The following PPIL6 variants were observed in gnomAD, a reference collection of about 807,000 sequenced individuals.
The protein encoded by PPIL6 is peptidylprolyl isomerase like 6, also known as probable inactive peptidyl-prolyl cis-trans isomerase-like 6.
PPIL6 carries 39 observed loss-of-function variants against 36.8 expected under a neutral mutation model. That is an observed-to-expected ratio of 1.06 (90% CI 0.82 to 1.38). PPIL6 has a LOEUF of 1.38. PPIL6 is among the 40% of genes most tolerant of loss of function. The probability of loss-of-function intolerance (pLI) is 0.00; values close to 1 mark genes in which losing one functional copy is unlikely to be tolerated. For synonymous variants in PPIL6, 123 were observed against 134.1 expected (o/e 0.92, Z 0.57); for missense variants, 368 against 379.1 (o/e 0.97, Z 0.24).
At position 109,440,541 on chromosome 6, in the gene PPIL6, G is replaced by T. The variant is rs766000276; in HGVS notation, c.50C>A (p.Pro17Gln). ...CGPPHARCGSPSLPERPLQVK... is the reference protein window; with the variant it reads ...CGPPHARCGSQSLPERPLQVK... ...CTGCAGCGGCCGCTCCGGCAGCGAC[G>T]GCGAGCCGCACCTAGCGTGCGGGGG... Residue 17 changes from proline (P) to glutamine (Q), a missense_variant, in exon 1 of 8, where the codon CCG becomes CAG. Coordinates refer to ENST00000521072, the MANE Select transcript of PPIL6 (RefSeq NM_173672.5). The T allele has an allele frequency of 1.7e-4, 248 of 1,489,492 alleles. No homozygotes were observed. The highest frequency in any genetic ancestry group is 1.9e-4 in the Non-Finnish European group (215 of 1,122,200). 92.3% of individuals were successfully genotyped at this position (1,489,492 alleles called of 1,614,324 possible). A position where few individuals can be genotyped will look rare whatever the true frequency, so the allele number is the denominator to read the frequency against.
intron 5 of PPIL6, among the ~76,000 whole-genome samples, chr6:109,422,415 G>A (rs1041697242): frequency 2.0e-5 from 3 of 152,134 alleles, no homozygotes; most frequent in Admixed American, 6.5e-5. Flanking sequence ...AACATACAGA[G>A]ACCCTGTCTT....
intron 2 of PPIL6, among the ~76,000 whole-genome samples, chr6:109,433,378 G>A (rs1009111875): frequency 2.6e-5 from 4 of 152,088 alleles, no homozygotes; most frequent in Admixed American, 6.5e-5. Flanking sequence ...CTTTCTAAAC[G>A]GGAGAAAAAA....
At chr6:109,404,676 T>C (rs1365336713) in intron 6 of PPIL6, among the ~76,000 whole-genome samples, 4 of 152,232 alleles carry the variant, frequency 2.6e-5, no homozygotes, top group Non-Finnish European at 5.9e-5. Flanking sequence ...TGGTGTCACT[T>C]GCATGTTTTC....
At chr6:109,439,863 T>A (rs1467715619) in intron 1 of PPIL6, among the ~76,000 whole-genome samples, 1 of 152,220 alleles carries the variant, frequency 6.6e-6, no homozygotes, top group Admixed American at 6.5e-5. Context: ...ATGACTGATC[T>A]GGCCAAATTC....
intron 3 of PPIL6, among the ~76,000 whole-genome samples, chr6:109,430,846 G>A (rs77633195): frequency 1.7e-3 from 255 of 152,312 alleles, no homozygotes; most frequent in Admixed American, 4.1e-3. Context: ...ATGAATGGAT[G>A]ATAGGTTTTA....
rs761495611 is a variant in PPIL6 at position 109,392,918 on chromosome 6, C to G, written c.844G>C (p.Glu282Gln). Residue 282 changes from glutamate (E) to glutamine (Q), a missense_variant, in exon 8 of 8, where the codon GAA (glutamate) becomes CAA (glutamine). Glu to Gln is a conservative substitution (Grantham distance 29). Transcript: ENST00000521072. ...ACTAATTCTAGTTGTTTAAGCACTT[C>G]TGTTCCTTCAATCAGTTGCCTACAT... Reference protein sequence around the residue: ...VAFGQLIEGTEVLKQLELVPT... With the variant: ...VAFGQLIEGTQVLKQLELVPT... 9 of 1,608,624 alleles carry G rather than the reference C, an allele frequency of 5.6e-6. No individual in the cohort carries two copies. The Admixed American group carries it at 1.5e-4, about 27-fold the overall frequency.
chr6:109,412,405 T>C (rs1354626467), intron 6 of PPIL6, among the ~76,000 whole-genome samples: 1 of 152,214 alleles, frequency 6.6e-6, no homozygotes, highest in Non-Finnish European at 1.5e-5. Context: ...AAAATTTACA[T>C]GGAGCCATGA....
intron 5 of PPIL6, among the ~76,000 whole-genome samples, chr6:109,423,070 A>G (rs914516025): frequency 2.0e-5 from 3 of 152,108 alleles, no homozygotes; most frequent in African/African-American, 4.8e-5. Context: ...TCTTTAAGCA[A>G]TAATATATGA....
Position 109,420,332 on chromosome 6 carries a change from C to CA in PPIL6, c.632-1090dup, listed in dbSNP as rs564751735. Among the ~76,000 whole-genome samples the CA allele has an allele frequency of 5.7e-3, 292 of 50,926 alleles. 25 individuals are homozygous for CA. Among genetic ancestry groups the CA allele is most frequent in the Non-Finnish European group, 8.4e-3 (215 of 25,524 alleles). The allele number at this position is 50,926 out of a possible 152,430, so 33.4% of individuals were successfully genotyped here. A position where few individuals can be genotyped will look rare whatever the true frequency, so the allele number is the denominator to read the frequency against. On this transcript the variant is annotated intron_variant, in intron 5 of 7. Coordinates refer to ENST00000521072, the MANE Select transcript of PPIL6 (RefSeq NM_173672.5). Reference sequence around the variant, plus strand: ...TGGGCGACAGTGTGAGACTCCATCTCAAAAAAAAAAAAAAAAAAAAAAAAA... The same window carrying CA: ...TGGGCGACAGTGTGAGACTCCATCTCAAAAAAAAAAAAAAAAAAAAAAAAAA...
At chr6:109,415,390 C>T (rs190333477) in intron 6 of PPIL6, among the ~76,000 whole-genome samples, 10 of 152,298 alleles carry the variant, frequency 6.6e-5, no homozygotes, top group African/African-American at 1.7e-4. Flanking sequence ...GCTCCTTCTA[C>T]GTCTTCTTCC....
Position 109,416,286 on chromosome 6 carries a change from T to A in PPIL6, c.688+2901A>T, listed in dbSNP as rs563190446. Among the ~76,000 whole-genome samples the A allele has an allele frequency of 2.1e-5, 3 of 144,352 alleles. No homozygotes were observed. In the South Asian group the frequency reaches 7.2e-4, roughly 34 times the overall value. 94.7% of individuals were successfully genotyped at this position (144,352 alleles called of 152,430 possible). On this transcript the variant is annotated intron_variant, in intron 6 of 7. Coordinates refer to ENST00000521072, the MANE Select transcript of PPIL6 (RefSeq NM_173672.5). ...GGCGTGATCTCGGCTCACTGCAACC[T>A]CTGCCTCCCGAGTTCAAGTGATTCT... is the stretch of plus-strand genomic sequence containing the variant.
intron 7 of PPIL6, among the ~76,000 whole-genome samples, chr6:109,393,668 C>T (rs1772182685): frequency 6.6e-6 from 1 of 152,162 alleles, no homozygotes; most frequent in Non-Finnish European, 1.5e-5. Context: ...CACGGCCTCT[C>T]GGGGAGGTCG....
Position 109,431,251 on chromosome 6 carries a change from G to A in PPIL6, c.326C>T (p.Ala109Val), listed in dbSNP as rs1392093377. 1 of 1,612,752 alleles carries A rather than the reference G, an allele frequency of 6.2e-7. No individual in the cohort carries two copies. The highest frequency in any genetic ancestry group is 1.6e-4 in the Middle Eastern group (1 of 6,062). Residue 109 changes from alanine to valine, a missense_variant, in exon 3 of 8, where the codon GCC becomes GTC. Coordinates refer to ENST00000521072, the MANE Select transcript of PPIL6 (RefSeq NM_173672.5). ...LGDALDLQKWAHEVWDIVDIK... is the reference protein window; with the variant it reads ...LGDALDLQKWVHEVWDIVDIK... ...GTCAACTATATCCCACACCTCGTGGGCCCATTTCTGCAGATCCAATGCATC... is the reference window on the plus strand; with the variant it reads ...GTCAACTATATCCCACACCTCGTGGACCCATTTCTGCAGATCCAATGCATC...
At chr6:109,436,555 T>C (rs1774458224) in intron 1 of PPIL6, among the ~76,000 whole-genome samples, 1 of 152,054 alleles carries the variant, frequency 6.6e-6, no homozygotes, top group South Asian at 2.1e-4. Flanking sequence ...GTGTCTCTAC[T>C]AAAAATACAA....
Position 109,440,515 on chromosome 6 carries a change from C to G in PPIL6, c.76G>C (p.Val26Leu), listed in dbSNP as rs1256703368. 2.6e-6 allele frequency: 4 copies of G among 1,515,068 alleles called. No individual in the cohort carries two copies. The highest frequency in any genetic ancestry group is 1.8e-4 in the Middle Eastern group (1 of 5,408). 93.9% of individuals were successfully genotyped at this position (1,515,068 alleles called of 1,614,324 possible). Residue 26 changes from valine to leucine, a missense_variant, in exon 1 of 8, where the codon GTG (valine) becomes CTG (leucine). Physicochemically the swap from Val to Leu is conservative, Grantham distance 32 (BLOSUM62 1). Transcript: ENST00000521072. ...SPSLPERPLQ[V>L]KVVGLFSCPN... is the part of the protein sequence containing the mutation. ...CAGCTGAAGAGCCCCACCACCTTCACCTGCAGCGGCCGCTCCGGCAGCGAC... is the reference window on the plus strand; with the variant it reads ...CAGCTGAAGAGCCCCACCACCTTCAGCTGCAGCGGCCGCTCCGGCAGCGAC...
intron 5 of PPIL6, among the ~76,000 whole-genome samples, chr6:109,422,588 C>CAA (rs200489203): frequency 1.4e-5 from 2 of 146,476 alleles, no homozygotes; most frequent in African/African-American, 2.5e-5. Context: ...GACCCTGTCT[C>CAA]AAAAAAAAAA....
chr6:109,427,359 C>A (rs906148578), intron 3 of PPIL6, among the ~76,000 whole-genome samples: 1 of 152,000 alleles, frequency 6.6e-6, no homozygotes, highest in Non-Finnish European at 1.5e-5. Context: ...CCACTTTACA[C>A]ATTTTAATTT....
intron 7 of PPIL6, among the ~76,000 whole-genome samples, chr6:109,395,281 C>G (rs1467710370): frequency 6.6e-6 from 1 of 151,980 alleles, no homozygotes; most frequent in Non-Finnish European, 1.5e-5. Flanking sequence ...GTGGTGCATG[C>G]CTATAATCCC....
At chr6:109,401,127 C>T (rs952872164) in intron 6 of PPIL6, among the ~76,000 whole-genome samples, 3 of 150,908 alleles carry the variant, frequency 2.0e-5, no homozygotes, top group Non-Finnish European at 4.4e-5. Context: ...CCGCCTGCCT[C>T]GGCCTCCCAA....
Sources: gnomAD v4.1 joint callset for allele counts (sites outside exome capture counted in the v4.1 genomes callset) on GRCh38, gnomAD v4.1.1 for gene constraint, MANE v1.5 for transcripts, NCBI Gene and HGNC (gene_info 2026-07-23, HGNC 2026-07-21) for gene names.